The following TP63 variants were observed in gnomAD, a reference collection of about 807,000 sequenced individuals.
The protein encoded by TP63 is tumor protein 63.
A neutral mutation model predicts 82.8 loss-of-function variants in TP63; 17 were observed. The ratio of observed to expected loss-of-function variants is 0.21; its 90% CI spans 0.14 to 0.31. TP63 has a LOEUF of 0.31. Ranked by LOEUF, TP63 falls within the 10% of genes least tolerant of loss-of-function variation. The pLI is 1.00. For synonymous variants in TP63, 330 were observed against 321.7 expected, an observed-to-expected ratio of 1.03 and a Z score of -0.28; for missense variants, 648 against 895.3, an observed-to-expected ratio of 0.72 and a Z score of 3.52.
chr3:189,864,022 T>A (rs1717377941), intron 4 of TP63, among the ~76,000 whole-genome samples: 1 of 152,220 alleles, frequency 6.6e-6, no homozygotes, highest in Admixed American at 6.5e-5. Flanking sequence ...AAACCTTTTG[T>A]AAACATGGGG....
intron 3 of TP63, among the ~76,000 whole-genome samples, chr3:189,788,082 A>AC (rs1231534929): frequency 4.3e-5 from 5 of 115,686 alleles, no homozygotes; most frequent in African/African-American, 1.6e-4. Context: ...TTTTGTAAGT[A>AC]GGTTTTTTTT....
intron 9 of TP63, among the ~76,000 whole-genome samples, chr3:189,871,096 TAAAAC>T (rs1718367284): frequency 6.6e-6 from 1 of 152,168 alleles, no homozygotes; most frequent in Non-Finnish European, 1.5e-5. Context: ...TTTCAGCTGA[TAAAAC>T]AGGAACTGCT....
intron 4 of TP63, chr3:189,844,540 C>T: frequency 6.4e-6 from 1 of 156,150 alleles, no homozygotes; most frequent in Non-Finnish European, 1.4e-5. Flanking sequence ...ACTCGGCCTC[C>T]TGAAATGCTG....
chr3:189,842,444 G>A (rs1258662833), intron 4 of TP63, among the ~76,000 whole-genome samples: 4 of 152,216 alleles, frequency 2.6e-5, no homozygotes, highest in South Asian at 2.1e-4. Context: ...CTCATTTATC[G>A]GGGAGTTAAA....
intron 3 of TP63, among the ~76,000 whole-genome samples, chr3:189,742,664 A>G (rs1272923832): frequency 6.6e-6 from 1 of 152,240 alleles, no homozygotes; most frequent in Non-Finnish European, 1.5e-5. Flanking sequence ...CAAGATTCAT[A>G]TATATTTCAA....
At chr3:189,671,325 C>T (rs867558315) in intron 1 of TP63, among the ~76,000 whole-genome samples, 4 of 151,872 alleles carry the variant, frequency 2.6e-5, no homozygotes, top group South Asian at 4.2e-4. Flanking sequence ...CAAATCAAAA[C>T]CACAATGAGA....
chr3:189,791,941 C>G (rs1725184194), intron 3 of TP63, among the ~76,000 whole-genome samples: 1 of 151,990 alleles, frequency 6.6e-6, no homozygotes, highest in Admixed American at 6.6e-5. Context: ...ACTATTATTA[C>G]ACAAGAATTG....
At chr3:189,736,060 T>C (rs554375096) in intron 1 of TP63, among the ~76,000 whole-genome samples, 1 of 150,698 alleles carries the variant, frequency 6.6e-6, no homozygotes, top group Non-Finnish European at 1.5e-5. Context: ...AATTTAAAAT[T>C]TATTTAAAAT....
intron 4 of TP63, among the ~76,000 whole-genome samples, chr3:189,808,838 A>G (rs1414954438): frequency 6.6e-6 from 1 of 152,340 alleles, no homozygotes; most frequent in Admixed American, 6.5e-5. Flanking sequence ...AAGAAGTATC[A>G]TAATCATGGG....
upstream of TP63, among the ~76,000 whole-genome samples, chr3:189,628,507 G>T (rs765173939): frequency 6.6e-6 from 1 of 152,096 alleles, no homozygotes; most frequent in Non-Finnish European, 1.5e-5. Flanking sequence ...AGTGGTCCAA[G>T]TCCAAAACAC....
chr3:189,753,104 CTG>C (rs1179781321), intron 3 of TP63, among the ~76,000 whole-genome samples: 2 of 152,072 alleles, frequency 1.3e-5, no homozygotes, highest in African/African-American at 4.8e-5. Flanking sequence ...CTTGAAAAGA[CTG>C]TTTAATGAGC....
At chr3:189,749,618 A>G (rs1185820632) in intron 3 of TP63, among the ~76,000 whole-genome samples, 1 of 152,212 alleles carries the variant, frequency 6.6e-6, no homozygotes, top group Non-Finnish European at 1.5e-5. Context: ...CACTACAGAA[A>G]ATAGTATGGA....
intron 4 of TP63, among the ~76,000 whole-genome samples, chr3:189,838,668 C>T (rs1271256548): frequency 6.6e-6 from 1 of 152,086 alleles, no homozygotes; most frequent in East Asian, 1.9e-4. Flanking sequence ...AAATAGATGT[C>T]TCAAAATTGT....
intron 13 of TP63, among the ~76,000 whole-genome samples, chr3:189,892,612 G>C (rs1044658010): frequency 5.9e-5 from 9 of 152,152 alleles, no homozygotes; most frequent in Middle Eastern, 3.4e-3. Flanking sequence ...CTAACACGGT[G>C]AAACCCTGTC....
At chr3:189,854,307 G>A (rs770574557) in intron 4 of TP63, among the ~76,000 whole-genome samples, 1 of 152,032 alleles carries the variant, frequency 6.6e-6, no homozygotes, top group African/African-American at 2.4e-5. Context: ...CTCAGCTCAC[G>A]GCGACCCCCG....
chr3:189,693,389 C>A (rs1189150203), intron 1 of TP63, among the ~76,000 whole-genome samples: 1 of 152,168 alleles, frequency 6.6e-6, no homozygotes, highest in African/African-American at 2.4e-5. Flanking sequence ...CCCAAATACA[C>A]ATTAATTAAA....
At position 189,706,497 on chromosome 3, in the gene TP63, G is replaced by A. The variant is rs139601512; in HGVS notation, c.63-31243G>A. Among the ~76,000 whole-genome samples, 313 of 152,148 alleles carry A rather than the reference G, an allele frequency of 2.1e-3. 4 individuals carry two copies. Among genetic ancestry groups the A allele is most frequent in the African/African-American group, 7.2e-3 (298 of 41,518 alleles). On this transcript the variant is annotated intron_variant, in intron 1 of 13. Transcript: ENST00000264731. Reference sequence around the variant, plus strand: ...TCTCGAACACCTGACCTTGTGGTCCGCTGGCCTCGGCCTCCCAGAGTGCTG... The same window carrying A: ...TCTCGAACACCTGACCTTGTGGTCCACTGGCCTCGGCCTCCCAGAGTGCTG...
the TP63 span, among the ~76,000 whole-genome samples, chr3:189,602,626 C>T: frequency 2.0e-5 from 3 of 152,144 alleles, no homozygotes; most frequent in African/African-American, 7.2e-5. Context: ...TGCAGCCAGT[C>T]GTGCATCCGA....
the TP63 span, among the ~76,000 whole-genome samples, chr3:189,610,830 G>A: frequency 6.6e-6 from 1 of 152,154 alleles, no homozygotes; most frequent in Admixed American, 6.6e-5. Context: ...TGGACTTACT[G>A]TTCCACATGG....
Sources: gnomAD v4.1 joint callset for allele counts (sites outside exome capture counted in the v4.1 genomes callset) on GRCh38, gnomAD v4.1.1 for gene constraint, MANE v1.5 for transcripts, NCBI Gene and HGNC (gene_info 2026-07-23, HGNC 2026-07-21) for gene names.